The following SLC25A26 variants were observed in gnomAD, a reference collection of about 807,000 sequenced individuals.
SLC25A26 encodes mitochondrial S-adenosylmethionine carrier protein.
Under a neutral mutation model 37.8 loss-of-function variants are expected in SLC25A26, and 36 were observed. That is an observed-to-expected ratio of 0.95 (90% CI 0.73 to 1.26). The LOEUF (loss-of-function observed/expected upper bound fraction) is 1.26, where lower values mean the gene tolerates loss of function less well. Among genes scored for constraint, SLC25A26 ranks in the 50% most tolerant of loss-of-function variants. The pLI, the probability that SLC25A26 is intolerant of heterozygous loss-of-function variation, is 0.00. For missense variants in SLC25A26, 390 were observed against 331.1 expected (o/e 1.18, Z -1.38); for synonymous variants, 129 against 122.5 (o/e 1.05, Z -0.35).
chr3:66,251,667 T>C (rs1292753121), intron 3 of SLC25A26, among the ~76,000 whole-genome samples: 3 of 152,192 alleles, frequency 2.0e-5, no homozygotes, highest in African/African-American at 4.8e-5. Flanking sequence ...TTGTAGTTAT[T>C]CATCTATAGT....
At chr3:66,141,901 G>T (rs2106668559) in intron 1 of SLC25A26, among the ~76,000 whole-genome samples, 1 of 152,328 alleles carries the variant, frequency 6.6e-6, no homozygotes, top group African/African-American at 2.4e-5. Context: ...TTTAGATTTA[G>T]TCATGGCAGA....
intron 1 of SLC25A26, among the ~76,000 whole-genome samples, chr3:66,134,541 T>A (rs1246520188): frequency 6.6e-6 from 1 of 152,190 alleles, no homozygotes; most frequent in Non-Finnish European, 1.5e-5. Context: ...ACGATGAAAT[T>A]AAGAAATCAA....
chr3:66,213,728 T>C (rs2071319657), intron 1 of SLC25A26, among the ~76,000 whole-genome samples: 1 of 152,110 alleles, frequency 6.6e-6, no homozygotes, highest in Non-Finnish European at 1.5e-5. Flanking sequence ...TGTCCACCCT[T>C]ATAGCATCAT....
At chr3:66,304,043 C>G (rs1361266951) in intron 5 of SLC25A26, among the ~76,000 whole-genome samples, 1 of 152,208 alleles carries the variant, frequency 6.6e-6, no homozygotes, top group East Asian at 1.9e-4. Flanking sequence ...AGGAGAATCT[C>G]TCACACTTCA....
chr3:66,345,465 G>A (rs759939482), intron 5 of SLC25A26, among the ~76,000 whole-genome samples: 2 of 147,016 alleles, frequency 1.4e-5, no homozygotes, highest in African/African-American at 5.1e-5. Flanking sequence ...TCTCTGCCCC[G>A]TCTTCTGTCT....
At chr3:66,319,257 T>TC (rs397729613) in intron 5 of SLC25A26, among the ~76,000 whole-genome samples, 4 of 151,990 alleles carry the variant, frequency 2.6e-5, no homozygotes, top group African/African-American at 4.8e-5. Context: ...TGTTTTTTTT[T>TC]CTGTCTTTTT....
At chr3:66,176,116 C>T (rs1174151249) in intron 1 of SLC25A26, among the ~76,000 whole-genome samples, 3 of 152,132 alleles carry the variant, frequency 2.0e-5, no homozygotes, top group Admixed American at 1.3e-4. Context: ...AAAAACACAC[C>T]TGGCTAATGC....
chr3:66,159,108 C>T (rs1270850996), intron 1 of SLC25A26, among the ~76,000 whole-genome samples: 2 of 152,202 alleles, frequency 1.3e-5, no homozygotes, highest in Non-Finnish European at 2.9e-5. Flanking sequence ...GATGCAAGAA[C>T]ACATGGCAAC....
chr3:66,363,042 G>C (rs759070697), intron 7 of SLC25A26, 113 bp downstream of exon 7: 4 of 493,256 alleles, frequency 8.1e-6, no homozygotes, highest in Non-Finnish European at 1.3e-5. Flanking sequence ...GATGAAGAGC[G>C]CTCCACTAGT....
chr3:66,236,224 TTTTTTTTTTGG>T, intron 1 of SLC25A26, among the ~76,000 whole-genome samples: 1 of 149,488 alleles, frequency 6.7e-6, no homozygotes, highest in Non-Finnish European at 1.5e-5. Flanking sequence ...TTTTTTTTTT[TTTTTTTTTTGG>T]CTTTTTGAAC....
chr3:66,140,531 G>A (rs547294481), intron 1 of SLC25A26, among the ~76,000 whole-genome samples: 13 of 152,112 alleles, frequency 8.5e-5, no homozygotes, highest in East Asian at 3.9e-4. Context: ...TAGAACCTTC[G>A]AATGAATTCA....
chr3:66,281,811 C>A (rs2074349066), intron 5 of SLC25A26, among the ~76,000 whole-genome samples: 1 of 145,218 alleles, frequency 6.9e-6, no homozygotes, highest in South Asian at 2.1e-4. Context: ...TGTGACATTT[C>A]CCCGTTAGTC....
intron 2 of SLC25A26, among the ~76,000 whole-genome samples, chr3:66,237,891 A>T (rs190042214): frequency 1.3e-4 from 20 of 152,300 alleles, no homozygotes; most frequent in Admixed American, 1.3e-3. Flanking sequence ...TGACATTTAA[A>T]TGTTCATTCT....
At chr3:66,369,049 ACAAAAAAAAAAAAC>A (rs1559746450) in intron 7 of SLC25A26, among the ~76,000 whole-genome samples, 1,619 of 23,406 alleles carry the variant, frequency 0.069, 172 homozygotes, top group African/African-American at 0.28. Flanking sequence ...AAAAACAAAA[ACAAAAAAAAAAAAC>A]AAAAGACAGT....
At chr3:66,243,824 T>C (rs2072700867) in intron 3 of SLC25A26, among the ~76,000 whole-genome samples, 1 of 152,214 alleles carries the variant, frequency 6.6e-6, no homozygotes, top group African/African-American at 2.4e-5. Flanking sequence ...TATCACCATG[T>C]TGACGTTTGG....
At chr3:66,310,898 G>A (rs963879931) in intron 5 of SLC25A26, among the ~76,000 whole-genome samples, 1 of 152,108 alleles carries the variant, frequency 6.6e-6, no homozygotes, top group Non-Finnish European at 1.5e-5. Context: ...TAGGTAGCCT[G>A]ACCTTTCTCT....
intron 5 of SLC25A26, among the ~76,000 whole-genome samples, chr3:66,307,175 T>C (rs1173335816): frequency 1.3e-5 from 2 of 152,256 alleles, no homozygotes; most frequent in Non-Finnish European, 2.9e-5. Flanking sequence ...TGTTGTTTCC[T>C]GACTCTTTAA....
At chr3:66,211,547 A>G (rs2071283996) in intron 1 of SLC25A26, among the ~76,000 whole-genome samples, 1 of 152,186 alleles carries the variant, frequency 6.6e-6, no homozygotes, top group African/African-American at 2.4e-5. Context: ...CTTTCCATCC[A>G]GAAACTCTTA....
intron 1 of SLC25A26, among the ~76,000 whole-genome samples, chr3:66,189,996 T>C (rs2106786491): frequency 6.6e-6 from 1 of 152,136 alleles, no homozygotes; most frequent in Admixed American, 6.5e-5. Flanking sequence ...TGCTTTGATA[T>C]GTGGTCTCCC....
Sources: gnomAD v4.1 joint callset for allele counts (sites outside exome capture counted in the v4.1 genomes callset) on GRCh38, gnomAD v4.1.1 for gene constraint, MANE v1.5 for transcripts, NCBI Gene and HGNC (gene_info 2026-07-23, HGNC 2026-07-21) for gene names.